PRKD1: variants seen among roughly 807,000 people sequenced by gnomAD.
PRKD1 encodes serine/threonine-protein kinase D1.
A neutral mutation model predicts 95.9 loss-of-function variants in PRKD1; 63 were observed. The ratio of observed to expected loss-of-function variants is 0.66; its 90% CI spans 0.54 to 0.81. The LOEUF is 0.81. PRKD1 is among the 30% of genes least tolerant of loss of function. The pLI is 0.00. For missense variants in PRKD1, 1,048 were observed against 1,165.3 expected (o/e 0.90, Z 1.47); for synonymous variants, 425 against 423.1 (o/e 1.00, Z -0.05).
At chr14:29,680,315 C>A (rs1594422152) in intron 2 of PRKD1, among the ~76,000 whole-genome samples, 1 of 152,170 alleles carries the variant, frequency 6.6e-6, no homozygotes, top group African/African-American at 2.4e-5. Context: ...CCCTCCCCAA[C>A]TACGTGGATT....
At chr14:29,882,973 A>C (rs947461911) in intron 1 of PRKD1, among the ~76,000 whole-genome samples, 4 of 152,174 alleles carry the variant, frequency 2.6e-5, no homozygotes, top group Non-Finnish European at 5.9e-5. Flanking sequence ...TAGCATTGCT[A>C]TAAAGACCTG....
intron 1 of PRKD1, among the ~76,000 whole-genome samples, chr14:29,900,415 A>G (rs754515130): frequency 1.3e-5 from 2 of 152,182 alleles, no homozygotes; most frequent in African/African-American, 2.4e-5. Context: ...TTGACAACAG[A>G]GCAGTTTAAA....
chr14:29,826,710 C>T (rs868705278), intron 1 of PRKD1, among the ~76,000 whole-genome samples: 58 of 67,730 alleles, frequency 8.6e-4, no homozygotes, highest in African/African-American at 3.5e-3. Context: ...CATATATACA[C>T]ATATATATAT....
intron 1 of PRKD1, among the ~76,000 whole-genome samples, chr14:29,752,138 A>G (rs1045720207): frequency 6.6e-6 from 1 of 152,242 alleles, no homozygotes; most frequent in Non-Finnish European, 1.5e-5. Context: ...GATGTTAGAA[A>G]AAAAGTTCCC....
At chr14:29,847,732 C>T (rs1413755982) in intron 1 of PRKD1, among the ~76,000 whole-genome samples, 3 of 152,094 alleles carry the variant, frequency 2.0e-5, no homozygotes, top group Non-Finnish European at 4.4e-5. Context: ...TCACAAAGGC[C>T]TCATTAAATT....
At chr14:29,651,994 C>T (rs970718148) in intron 4 of PRKD1, among the ~76,000 whole-genome samples, 1 of 152,214 alleles carries the variant, frequency 6.6e-6, no homozygotes, top group African/African-American at 2.4e-5. Context: ...GATCCACCCG[C>T]CTTGGCCTCC....
intron 1 of PRKD1, among the ~76,000 whole-genome samples, chr14:29,837,550 G>A (rs1891659047): frequency 6.6e-6 from 1 of 152,078 alleles, no homozygotes; most frequent in Non-Finnish European, 1.5e-5. Flanking sequence ...GACAAATTAG[G>A]ATGAAATGGA....
intron 1 of PRKD1, among the ~76,000 whole-genome samples, chr14:29,903,060 T>C (rs1041502404): frequency 1.3e-5 from 2 of 152,130 alleles, no homozygotes; most frequent in Non-Finnish European, 2.9e-5. Context: ...CAACACAAGA[T>C]GGAAAAACGT....
intron 1 of PRKD1, among the ~76,000 whole-genome samples, chr14:29,737,091 G>A (rs1886753382): frequency 6.6e-6 from 1 of 151,800 alleles, no homozygotes. Context: ...GGGAGGCCGA[G>A]GCGGGTGGAT....
intron 1 of PRKD1, among the ~76,000 whole-genome samples, chr14:29,742,175 T>C (rs907895310): frequency 1.3e-5 from 2 of 152,220 alleles, no homozygotes; most frequent in African/African-American, 4.8e-5. Flanking sequence ...AAAGAATTTC[T>C]TCTCCCCTTG....
In PRKD1 at chr14:29,644,653, G is replaced by T. The variant is rs144246576; in HGVS notation, c.697-5749C>A. 1.2e-3 allele frequency among the ~76,000 whole-genome samples: 187 copies of T among 152,056 alleles called. 1 individual carries two copies. The highest frequency in any genetic ancestry group is 4.3e-3 in the African/African-American group (180 of 41,480). ...TCTGGGGACTAAATCTAGTTGAAAT[G>T]GAGACCTTTGAGGTTATAAAAAGTG... On this transcript the variant is annotated intron_variant, in intron 4 of 17. Coordinates refer to ENST00000331968, the MANE Select transcript of PRKD1 (RefSeq NM_002742.3).
chr14:29,905,705 G>C (rs1338495414), intron 1 of PRKD1, among the ~76,000 whole-genome samples: 1 of 152,166 alleles, frequency 6.6e-6, no homozygotes, highest in Non-Finnish European at 1.5e-5. Flanking sequence ...GCTGGGAGAA[G>C]CCCTCCTCAA....
intron 1 of PRKD1, among the ~76,000 whole-genome samples, chr14:29,855,734 T>C (rs1361934932): frequency 2.0e-5 from 3 of 152,124 alleles, no homozygotes; most frequent in Admixed American, 6.5e-5. Flanking sequence ...TGGGAGACTG[T>C]TGAATCATGA....
At chr14:29,690,142 A>C (rs952264974) in intron 2 of PRKD1, among the ~76,000 whole-genome samples, 39 of 122,880 alleles carry the variant, frequency 3.2e-4, no homozygotes, top group Admixed American at 2.9e-3. Flanking sequence ...AAAAACAAAA[A>C]GAAGAAGAGA....
intron 1 of PRKD1, among the ~76,000 whole-genome samples, chr14:29,797,622 G>C (rs1181333744): frequency 6.6e-6 from 1 of 152,048 alleles, no homozygotes; most frequent in Non-Finnish European, 1.5e-5. Flanking sequence ...CTACCCAAGG[G>C]TGCCACTATC....
intron 1 of PRKD1, among the ~76,000 whole-genome samples, chr14:29,777,581 C>G (rs1289074880): frequency 6.6e-6 from 1 of 152,146 alleles, no homozygotes; most frequent in Non-Finnish European, 1.5e-5. Context: ...ATCAATTCAA[C>G]AAGAAGAGCT....
chr14:29,736,879 A>ATGTGACC, intron 1 of PRKD1, among the ~76,000 whole-genome samples: 1 of 152,334 alleles, frequency 6.6e-6, no homozygotes, highest in Non-Finnish European at 1.5e-5. Context: ...AGTAGCTGAA[A>ATGTGACC]TGTGACCTGG....
chr14:29,765,560 C>A lies in PRKD1; in HGVS notation c.265-39886G>T, dbSNP rs190812535. 1.1e-3 allele frequency among the ~76,000 whole-genome samples: 166 copies of A among 152,182 alleles called. 1 individual carries two copies. The highest frequency in any genetic ancestry group is 6.3e-3 in the Admixed American group (96 of 15,288). ...CCTACAAAACATCATGCATGAGGAACATCAAAAGACATAAATAACAATGCT... is the reference window on the plus strand; with the variant it reads ...CCTACAAAACATCATGCATGAGGAAAATCAAAAGACATAAATAACAATGCT... On this transcript the variant is annotated intron_variant, in intron 1 of 17. Transcript: ENST00000331968.
At chr14:29,897,956 T>G (rs1286921533) in intron 1 of PRKD1, among the ~76,000 whole-genome samples, 2 of 152,094 alleles carry the variant, frequency 1.3e-5, no homozygotes, top group Non-Finnish European at 2.9e-5. Context: ...CTATGTTTCT[T>G]AAAATATAAA....
Sources: gnomAD v4.1 joint callset for allele counts (sites outside exome capture counted in the v4.1 genomes callset) on GRCh38, gnomAD v4.1.1 for gene constraint, MANE v1.5 for transcripts, NCBI Gene and HGNC (gene_info 2026-07-23, HGNC 2026-07-21) for gene names.